Variants in CDH13 observed in about 807,000 individuals in gnomAD.
CDH13 encodes the protein cadherin-13.
CDH13 carries 24 observed loss-of-function variants against 63.8 expected under a neutral mutation model. The ratio of observed to expected loss-of-function variants is 0.38; its 90% CI spans 0.27 to 0.53. The LOEUF is 0.53. Among genes scored for constraint, CDH13 ranks in the 20% least tolerant of loss-of-function variants. The pLI is 0.85. For missense variants in CDH13, 1,049 were observed against 903.1 expected (o/e 1.16, Z -2.07); for synonymous variants, 503 against 355.3 (o/e 1.42, Z -4.67).
chr16:83,575,535 G>A (rs945623705), intron 7 of CDH13, among the ~76,000 whole-genome samples: 7 of 152,012 alleles, frequency 4.6e-5, no homozygotes, highest in African/African-American at 7.3e-5. Context: ...CCTCTGTCTC[G>A]GCCCTCCAGC....
chr16:83,053,670 T>G (rs899970164), intron 3 of CDH13, among the ~76,000 whole-genome samples: 3 of 152,184 alleles, frequency 2.0e-5, no homozygotes, highest in African/African-American at 7.2e-5. Context: ...AGAAAGTTGA[T>G]AGAGCTATGC....
At chr16:83,707,592 T>A (rs910379618) in intron 10 of CDH13, among the ~76,000 whole-genome samples, 1 of 152,092 alleles carries the variant, frequency 6.6e-6, no homozygotes, top group African/African-American at 2.4e-5. Context: ...TAATTGCTGA[T>A]CCCCTGTTCT....
chr16:83,148,447 G>C (rs552511978), intron 4 of CDH13, among the ~76,000 whole-genome samples: 10 of 152,328 alleles, frequency 6.6e-5, no homozygotes, highest in Admixed American at 1.3e-4. Context: ...AATAATGTCT[G>C]TGGAGTCAGA....
At chr16:83,650,323 CT>C (rs1245732156) in intron 8 of CDH13, among the ~76,000 whole-genome samples, 5 of 152,184 alleles carry the variant, frequency 3.3e-5, no homozygotes, top group Admixed American at 6.5e-5. Flanking sequence ...TAATTATAGT[CT>C]TTGGTTTTAC....
At chr16:82,959,990 A>G (rs960218955) in intron 2 of CDH13, among the ~76,000 whole-genome samples, 1 of 152,232 alleles carries the variant, frequency 6.6e-6, no homozygotes, top group African/African-American at 2.4e-5. Flanking sequence ...ACATTGCTAA[A>G]CTGTTTTCCA....
At chr16:83,134,189 A>C (rs1490673436) in intron 4 of CDH13, among the ~76,000 whole-genome samples, 6 of 152,020 alleles carry the variant, frequency 3.9e-5, no homozygotes, top group African/African-American at 1.4e-4. Flanking sequence ...AAGCATTCTT[A>C]GTAGATTTGT....
intron 2 of CDH13, among the ~76,000 whole-genome samples, chr16:82,991,925 C>A (rs139984039): frequency 6.6e-6 from 1 of 151,696 alleles, no homozygotes; most frequent in Non-Finnish European, 1.5e-5. Context: ...AGAACTTTTT[C>A]CATTAATCAA....
At chr16:83,575,359 T>A (rs1905012741) in intron 7 of CDH13, among the ~76,000 whole-genome samples, 1 of 152,178 alleles carries the variant, frequency 6.6e-6, no homozygotes, top group South Asian at 2.1e-4. Flanking sequence ...AAACAAAAAG[T>A]GTCCCACACT....
intron 7 of CDH13, among the ~76,000 whole-genome samples, chr16:83,530,500 A>G (rs2075059663): frequency 6.6e-6 from 1 of 152,180 alleles, no homozygotes; most frequent in East Asian, 1.9e-4. Context: ...GTCCTTGAGG[A>G]CAGATTTGGC....
At chr16:83,077,517 C>A (rs1022837142) in intron 3 of CDH13, among the ~76,000 whole-genome samples, 1 of 152,076 alleles carries the variant, frequency 6.6e-6, no homozygotes, top group African/African-American at 2.4e-5. Context: ...TAGATTCATT[C>A]ATGCTCATAC....
chr16:83,741,479 T>C (rs536752223), intron 10 of CDH13, among the ~76,000 whole-genome samples: 2 of 29,618 alleles, frequency 6.8e-5, no homozygotes, highest in East Asian at 8.8e-4. Flanking sequence ...ACTATATATA[T>C]GTGTGTGTGT....
intron 4 of CDH13, among the ~76,000 whole-genome samples, chr16:83,149,889 C>T (rs2036902275): frequency 6.6e-6 from 1 of 152,168 alleles, no homozygotes. Context: ...CAAGTCAGGT[C>T]TTTTTTTCTT....
chr16:82,874,929 A>T (rs1239394624), intron 2 of CDH13, among the ~76,000 whole-genome samples: 1 of 152,160 alleles, frequency 6.6e-6, no homozygotes, highest in Non-Finnish European at 1.5e-5. Context: ...ACTCATGGGG[A>T]TGTGTGGCCA....
chr16:83,780,787 A>G (rs1226506386), intron 12 of CDH13, among the ~76,000 whole-genome samples: 3 of 152,170 alleles, frequency 2.0e-5, no homozygotes, highest in Admixed American at 2.0e-4. Context: ...CCAGTCTCAG[A>G]CCTTGAAAAG....
At chr16:83,056,172 A>C (rs1383505225) in intron 3 of CDH13, among the ~76,000 whole-genome samples, 1 of 152,202 alleles carries the variant, frequency 6.6e-6, no homozygotes, top group African/African-American at 2.4e-5. Flanking sequence ...ATACTATTAT[A>C]CACACATGTG....
At chr16:82,841,705 A>G (rs2039015948) in intron 1 of CDH13, among the ~76,000 whole-genome samples, 1 of 152,244 alleles carries the variant, frequency 6.6e-6, no homozygotes, top group African/African-American at 2.4e-5. Flanking sequence ...TCTGGGAAAG[A>G]GCAAAGCTGT....
intron 10 of CDH13, among the ~76,000 whole-genome samples, chr16:83,726,852 A>C (rs1273805529): frequency 7.4e-5 from 10 of 136,004 alleles, no homozygotes; most frequent in Non-Finnish European, 1.6e-5. Flanking sequence ...AAAAAAAAAA[A>C]ATCACCGTCC....
intron 3 of CDH13, among the ~76,000 whole-genome samples, chr16:83,081,167 C>T (rs1201789912): frequency 1.3e-5 from 2 of 151,924 alleles, no homozygotes; most frequent in African/African-American, 2.4e-5. Context: ...AAGCATGAGC[C>T]ACCGCACCTG....
chr16:83,368,767 C>T (rs1321714097), intron 6 of CDH13, among the ~76,000 whole-genome samples: 1 of 150,958 alleles, frequency 6.6e-6, no homozygotes, highest in Non-Finnish European at 1.5e-5. Context: ...GAATATATGA[C>T]ATTCGATTTT....
Sources: gnomAD v4.1 joint callset for allele counts (sites outside exome capture counted in the v4.1 genomes callset) on GRCh38, gnomAD v4.1.1 for gene constraint, MANE v1.5 for transcripts, NCBI Gene and HGNC (gene_info 2026-07-23, HGNC 2026-07-21) for gene names.